METTL24: variants seen among roughly 807,000 people sequenced by gnomAD.
METTL24 encodes the protein probable methyltransferase-like protein 24.
METTL24 carries 29 observed loss-of-function variants against 32.7 expected under a neutral mutation model. The observed-to-expected ratio is 0.89, with a 90% CI of 0.66 to 1.21. The LOEUF (loss-of-function observed/expected upper bound fraction) is 1.21, where lower values mean the gene tolerates loss of function less well. Ranked by LOEUF, METTL24 falls within the 50% of genes most tolerant of loss-of-function variation. The pLI, the probability that METTL24 is intolerant of heterozygous loss-of-function variation, is 0.00. For synonymous variants in METTL24, 163 were observed against 179.5 expected (o/e 0.91, Z 0.73); for missense variants, 439 against 468.1 (o/e 0.94, Z 0.57).
chr6:110,246,536 G>A (rs558985792), intron 4 of METTL24, among the ~76,000 whole-genome samples: 1 of 152,126 alleles, frequency 6.6e-6, no homozygotes, highest in Non-Finnish European at 1.5e-5. Flanking sequence ...TCCTGCCTCC[G>A]CCTCCTGAGT....
At chr6:110,348,851 C>A (rs1012709856) in intron 1 of METTL24, among the ~76,000 whole-genome samples, 1 of 152,250 alleles carries the variant, frequency 6.6e-6, no homozygotes, top group African/African-American at 2.4e-5. Flanking sequence ...CATCATCCCA[C>A]CTCTGCTCTG....
At chr6:110,256,147 G>A (rs55842731) in intron 4 of METTL24, among the ~76,000 whole-genome samples, 10,885 of 152,100 alleles carry the variant, frequency 0.072, 573 homozygotes, top group African/African-American at 0.16. Flanking sequence ...GTCTCGGGAT[G>A]TGTGTGCACA....
At position 110,245,909 on chromosome 6, in the gene METTL24, C is replaced by A; in HGVS notation, c.*37G>T. Reference sequence around the variant, plus strand: ...AGAATTATGGACATGCTGCATTCTGCAAATATTTTCTTGTGCTCTTGATGA... The same window carrying A: ...AGAATTATGGACATGCTGCATTCTGAAAATATTTTCTTGTGCTCTTGATGA... On this transcript the variant is annotated 3_prime_UTR_variant, in exon 5 of 5. Transcript: ENST00000338882. The A allele has an allele frequency of 6.4e-7, 1 of 1,556,188 alleles. No individual in the cohort carries two copies.
intron 4 of METTL24, among the ~76,000 whole-genome samples, chr6:110,262,389 C>T (rs1444362950): frequency 1.3e-5 from 2 of 152,154 alleles, no homozygotes; most frequent in Non-Finnish European, 2.9e-5. Context: ...AATTCCTCGA[C>T]ACATACACCA....
intron 1 of METTL24, among the ~76,000 whole-genome samples, chr6:110,328,330 GCTT>G (rs1236060229): frequency 6.6e-6 from 1 of 152,214 alleles, no homozygotes; most frequent in Non-Finnish European, 1.5e-5. Flanking sequence ...AAGTGAGCAG[GCTT>G]CTTCTAATGA....
intron 4 of METTL24, among the ~76,000 whole-genome samples, chr6:110,265,857 TTCCTCCTCC>T: frequency 6.6e-6 from 1 of 151,858 alleles, no homozygotes; most frequent in South Asian, 2.1e-4. Flanking sequence ...CCTCTTCCTC[TTCCTCCTCC>T]TCCTCCTCCT....
At chr6:110,295,013 CTTTTTT>C (rs1195740747) in intron 4 of METTL24, among the ~76,000 whole-genome samples, 1 of 78,128 alleles carries the variant, frequency 1.3e-5, no homozygotes, top group Admixed American at 1.4e-4. Context: ...TTCTTTCTTT[CTTTTTT>C]TTTTTTTTTT....
intron 4 of METTL24, among the ~76,000 whole-genome samples, chr6:110,258,968 T>C (rs1327836886): frequency 6.6e-6 from 1 of 152,152 alleles, no homozygotes; most frequent in Non-Finnish European, 1.5e-5. Flanking sequence ...CAGTCCCTCT[T>C]TTCCCCCAAT....
intron 4 of METTL24, among the ~76,000 whole-genome samples, chr6:110,265,632 T>A (rs754818647): frequency 6.6e-6 from 1 of 152,132 alleles, no homozygotes; most frequent in Non-Finnish European, 1.5e-5. Context: ...GCTTCCTCCA[T>A]CATTTCAACT....
chr6:110,246,373 T>A, intron 4 of METTL24, 113 bp from the exon 5 acceptor site: 10 of 948,560 alleles, frequency 1.1e-5, no homozygotes, highest in Non-Finnish European at 1.5e-5. Context: ...ATTTTAGAGC[T>A]GAGGGTGGTT....
chr6:110,262,671 G>C (rs1770761488), intron 4 of METTL24, among the ~76,000 whole-genome samples: 1 of 152,128 alleles, frequency 6.6e-6, no homozygotes. Flanking sequence ...ACAAAAAAAA[G>C]AGAATTTTAG....
chr6:110,260,088 A>C (rs779566055), intron 4 of METTL24, among the ~76,000 whole-genome samples: 1 of 152,218 alleles, frequency 6.6e-6, no homozygotes, highest in Non-Finnish European at 1.5e-5. Context: ...GCAGCTCCTC[A>C]CCAGCAATGG....
chr6:110,252,071 G>T lies in METTL24; in HGVS notation c.787-5811C>A, dbSNP rs986566546. ...AGCCAGAAGAATTGCTTGGACCTGG[G>T]GGGCAGAGGTTGCAGTGAGCTGAGA... On this transcript the variant is annotated intron_variant, in intron 4 of 4. Coordinates refer to ENST00000338882, the MANE Select transcript of METTL24 (RefSeq NM_001123364.3). Among the ~76,000 whole-genome samples the T allele has an allele frequency of 2.6e-5, 4 of 152,148 alleles. No homozygotes were observed. The East Asian group carries it at 5.8e-4, about 22-fold the overall frequency.
chr6:110,272,292 G>T (rs902664184), intron 4 of METTL24, among the ~76,000 whole-genome samples: 7 of 152,168 alleles, frequency 4.6e-5, no homozygotes, highest in Admixed American at 3.3e-4. Flanking sequence ...TGTTGCAAAG[G>T]CTATTATTTC....
At chr6:110,310,918 T>C (rs1771709432) in intron 3 of METTL24, among the ~76,000 whole-genome samples, 1 of 152,184 alleles carries the variant, frequency 6.6e-6, no homozygotes, top group Non-Finnish European at 1.5e-5. Flanking sequence ...TGCAGCTGCA[T>C]CCATTGTCTT....
At chr6:110,292,072 G>A (rs548175152) in intron 4 of METTL24, among the ~76,000 whole-genome samples, 4 of 152,004 alleles carry the variant, frequency 2.6e-5, no homozygotes, top group African/African-American at 4.8e-5. Flanking sequence ...TTTGTTTGTC[G>A]TTTTTTTAAG....
At position 110,245,069 on chromosome 6, in the gene METTL24, A is replaced by C. The variant is rs1258043575; in HGVS notation, c.*877T>G. On this transcript the variant is annotated 3_prime_UTR_variant, in exon 5 of 5. Coordinates refer to ENST00000338882, the MANE Select transcript of METTL24 (RefSeq NM_001123364.3). ...TTATGTGTCAACTTAACTGGACTAA[A>C]GGGTGTCCAGATCTTTAGTTAAACA... 1.3e-5 allele frequency among the ~76,000 whole-genome samples: 2 copies of C among 152,176 alleles called. No homozygotes were observed. The highest frequency in any genetic ancestry group is 6.5e-5 in the Admixed American group (1 of 15,272).
At chr6:110,288,985 G>C (rs1771272810) in intron 4 of METTL24, among the ~76,000 whole-genome samples, 1 of 152,164 alleles carries the variant, frequency 6.6e-6, no homozygotes, top group South Asian at 2.1e-4. Flanking sequence ...GATGGGAGGA[G>C]AGTGACACAC....
At chr6:110,310,576 T>TA (rs1473155967) in intron 3 of METTL24, among the ~76,000 whole-genome samples, 1 of 152,220 alleles carries the variant, frequency 6.6e-6, no homozygotes, top group Non-Finnish European at 1.5e-5. Flanking sequence ...CCATAATATG[T>TA]ATCTTTTCAG....
Sources: gnomAD v4.1 joint callset for allele counts (sites outside exome capture counted in the v4.1 genomes callset) on GRCh38, gnomAD v4.1.1 for gene constraint, MANE v1.5 for transcripts, NCBI Gene and HGNC (gene_info 2026-07-23, HGNC 2026-07-21) for gene names.